The following CDH12 variants were observed in gnomAD, a reference collection of about 807,000 sequenced individuals.
CDH12 encodes cadherin 12, also known as cadherin-12.
CDH12 carries 41 observed loss-of-function variants against 74.1 expected under a neutral mutation model. The ratio of observed to expected loss-of-function variants is 0.55; its 90% confidence interval spans 0.43 to 0.72. The LOEUF is 0.72. Ranked by LOEUF, CDH12 falls within the 30% of genes least tolerant of loss-of-function variation. The pLI, the probability that CDH12 is intolerant of heterozygous loss-of-function variation, is 0.00. For missense variants in CDH12, 945 were observed against 977.2 expected (o/e 0.97, Z 0.44); for synonymous variants, 399 against 355.0 (o/e 1.12, Z -1.39).
intron 6 of CDH12, among the ~76,000 whole-genome samples, 164 bp downstream of exon 6, chr5:21,974,927 G>C (rs1431102712): frequency 1.3e-5 from 2 of 152,102 alleles, no homozygotes; most frequent in South Asian, 2.1e-4. Flanking sequence ...TAATGAAGCA[G>C]AAAGAAAAAC....
intron 6 of CDH12, among the ~76,000 whole-genome samples, chr5:21,886,308 C>T (rs986136624): frequency 6.6e-6 from 1 of 151,666 alleles, no homozygotes; most frequent in Non-Finnish European, 1.5e-5. Flanking sequence ...CATTACCAGG[C>T]ATATTCACTG....
chr5:22,283,546 T>C (rs1456636066), intron 3 of CDH12, among the ~76,000 whole-genome samples: 1 of 151,908 alleles, frequency 6.6e-6, no homozygotes, highest in East Asian at 1.9e-4. Flanking sequence ...CACTTATATG[T>C]GGAATCTGAA....
At chr5:22,825,964 G>A (rs1282533919) in intron 1 of CDH12, among the ~76,000 whole-genome samples, 1 of 152,210 alleles carries the variant, frequency 6.6e-6, no homozygotes, top group African/African-American at 2.4e-5. Flanking sequence ...TGATGAATTA[G>A]TGGAATAACC....
intron 1 of CDH12, among the ~76,000 whole-genome samples, chr5:22,506,467 C>T (rs1010093479): frequency 6.6e-6 from 1 of 152,126 alleles, no homozygotes; most frequent in African/African-American, 2.4e-5. Context: ...CAATTAGCCT[C>T]TATGTCTTTT....
At chr5:22,733,701 A>T (rs2127007023) in intron 1 of CDH12, among the ~76,000 whole-genome samples, 1 of 152,080 alleles carries the variant, frequency 6.6e-6, no homozygotes, top group South Asian at 2.1e-4. Context: ...CACAAATGAA[A>T]TAAAAATATC....
At chr5:22,070,124 C>T (rs571709003) in intron 5 of CDH12, among the ~76,000 whole-genome samples, 1 of 152,128 alleles carries the variant, frequency 6.6e-6, no homozygotes, top group Non-Finnish European at 1.5e-5. Context: ...CTCCTATCCC[C>T]TTATCATGGA....
At chr5:22,004,960 T>A (rs1580099371) in intron 5 of CDH12, among the ~76,000 whole-genome samples, 1 of 152,236 alleles carries the variant, frequency 6.6e-6, no homozygotes, top group South Asian at 2.1e-4. Flanking sequence ...TCTGTGTTGC[T>A]GCAAAACACA....
intron 1 of CDH12, among the ~76,000 whole-genome samples, chr5:22,637,945 T>C (rs543758651): frequency 2.6e-4 from 39 of 152,326 alleles, no homozygotes; most frequent in African/African-American, 7.7e-4. Flanking sequence ...AAATTTTACA[T>C]TTTAAGCAAG....
At chr5:22,757,760 C>T (rs1315404991) in intron 1 of CDH12, among the ~76,000 whole-genome samples, 3 of 152,130 alleles carry the variant, frequency 2.0e-5, no homozygotes, top group African/African-American at 7.2e-5. Flanking sequence ...TCAATAACAA[C>T]TTGTATAAGT....
At position 21,975,268 on chromosome 5, in the gene CDH12, G is replaced by C; in HGVS notation, c.349C>G (p.Leu117Val). The change falls in exon 6 of 15, where the codon CTA (leucine) becomes GTA (valine). Residue 117 changes from leucine (L) to valine (V), a missense_variant. This residue lies in a region of CDH12 where 148 missense variants were observed against 162.8 expected (regional missense o/e 0.91). Coordinates refer to ENST00000382254, the MANE Select transcript of CDH12 (RefSeq NM_004061.5). ...TTGDIHAIRS[L>V]DREEKPFYTL... Reference sequence around the variant, plus strand: ...TAGAAAGGTTTCTCTTCTCTATCTAGGCTCCTTATTGCATGAATGTCCCCT... The same window carrying C: ...TAGAAAGGTTTCTCTTCTCTATCTACGCTCCTTATTGCATGAATGTCCCCT... The C allele has an allele frequency of 6.3e-7, 1 of 1,597,176 alleles. No individual in the cohort carries two copies. Among genetic ancestry groups the C allele is most frequent in the Non-Finnish European group, 8.5e-7 (1 of 1,179,602 alleles).
At position 21,751,399 on chromosome 5, in the gene CDH12, T is replaced by A. The variant is rs1307465255; in HGVS notation, c.*338A>T. 1 of 232,722 alleles carries A rather than the reference T, an allele frequency of 4.3e-6. No homozygotes were observed. The highest frequency in any genetic ancestry group is 9.5e-5 in the East Asian group (1 of 10,556). 14.4% of individuals were successfully genotyped at this position (232,722 alleles called of 1,614,324 possible). A position where few individuals can be genotyped will look rare whatever the true frequency, so the allele number is the denominator to read the frequency against. On this transcript the variant is annotated 3_prime_UTR_variant, in exon 15 of 15. Coordinates refer to ENST00000382254, the MANE Select transcript of CDH12 (RefSeq NM_004061.5). ...AACACTCTTCCACCGTGATGCCACATAGCTATCTTCGTTCTAGGTTGTCAT... is the reference window on the plus strand; with the variant it reads ...AACACTCTTCCACCGTGATGCCACAAAGCTATCTTCGTTCTAGGTTGTCAT...
At chr5:22,494,407 G>T (rs1470599544) in intron 2 of CDH12, among the ~76,000 whole-genome samples, 3 of 152,178 alleles carry the variant, frequency 2.0e-5, no homozygotes, top group Admixed American at 2.0e-4. Context: ...CTGAGCTGCG[G>T]GCAGGCTCCG....
At chr5:21,880,906 C>T (rs1288172534) in intron 6 of CDH12, among the ~76,000 whole-genome samples, 1 of 151,724 alleles carries the variant, frequency 6.6e-6, no homozygotes, top group African/African-American at 2.4e-5. Flanking sequence ...AGAGTTGAAT[C>T]GTCCATCATT....
chr5:22,747,187 T>A (rs960487460), intron 1 of CDH12, among the ~76,000 whole-genome samples: 1 of 152,128 alleles, frequency 6.6e-6, no homozygotes, highest in African/African-American at 2.4e-5. Flanking sequence ...AGAAAAATGG[T>A]TAAACACTTA....
chr5:22,359,970 A>C (rs1740728488), intron 3 of CDH12, among the ~76,000 whole-genome samples: 1 of 152,206 alleles, frequency 6.6e-6, no homozygotes, highest in African/African-American at 2.4e-5. Context: ...TGCCCACAAA[A>C]GAAAGCAGGA....
intron 2 of CDH12, among the ~76,000 whole-genome samples, chr5:22,420,764 T>C (rs10941952): frequency 0.27 from 41,423 of 152,106 alleles, 5,703 homozygotes; most frequent in East Asian, 0.34. Flanking sequence ...TATCATTGAA[T>C]CTATAAATTA....
chr5:21,816,295 T>C (rs1388385059), intron 9 of CDH12, among the ~76,000 whole-genome samples: 1 of 152,070 alleles, frequency 6.6e-6, no homozygotes, highest in Non-Finnish European at 1.5e-5. Context: ...ATTTTCTTAA[T>C]AACATTTTCT....
intron 2 of CDH12, among the ~76,000 whole-genome samples, chr5:22,487,106 G>A (rs1031437339): frequency 6.6e-6 from 1 of 151,580 alleles, no homozygotes; most frequent in African/African-American, 2.4e-5. Flanking sequence ...GGGTTCAAGC[G>A]ATTCTCCTGC....
chr5:22,078,541 G>C lies in CDH12; in HGVS notation c.136C>G (p.Arg46Gly). 1 of 1,613,868 alleles carries C rather than the reference G, an allele frequency of 6.2e-7. No homozygotes were observed. The highest frequency in any genetic ancestry group is 1.7e-5 in the Admixed American group (1 of 59,986). ...RENVIHLPGQ[R>G]SHFQRVKRGW... ...CGTTTAACACGTTGGAAATGTGACC[G>C]TTGTCCTGGCAGATGGATAACATTT... Residue 46 changes from arginine to glycine, a missense_variant, in exon 5 of 15, where the codon CGG (arginine) becomes GGG (glycine). Coordinates refer to ENST00000382254, the MANE Select transcript of CDH12 (RefSeq NM_004061.5).
Sources: allele counts gnomAD v4.1 joint callset (sites outside exome capture counted in the v4.1 genomes callset), GRCh38; gene constraint gnomAD v4.1.1; regional missense constraint gnomAD v4.1.1; transcripts MANE v1.5; gene names NCBI Gene and HGNC (gene_info 2026-07-23, HGNC 2026-07-21).